NFATC3: variants seen among roughly 807,000 people sequenced by gnomAD.
NFATC3 encodes the protein nuclear factor of activated T cells 3, also known as nuclear factor of activated T-cells, cytoplasmic 3.
NFATC3 carries 46 observed loss-of-function variants against 98.6 expected under a neutral mutation model. That is an observed-to-expected ratio of 0.47 (90% CI 0.37 to 0.60). The LOEUF (loss-of-function observed/expected upper bound fraction) is 0.60. Among genes scored for constraint, NFATC3 ranks in the 20% least tolerant of loss-of-function variants. The probability of loss-of-function intolerance (pLI) is 0.00; values close to 1 mark genes in which losing one functional copy is unlikely to be tolerated. For synonymous variants in NFATC3, 512 were observed against 472.2 expected (o/e 1.08, Z -1.09); for missense variants, 1,256 against 1,295.5 (o/e 0.97, Z 0.47).
chr16:68,228,220 C>G lies in NFATC3; in HGVS notation c.*1749C>G, dbSNP rs2042073846. 1 of 152,216 alleles carries G rather than the reference C, an allele frequency of 6.6e-6. No individual in the cohort carries two copies. Among genetic ancestry groups the G allele is most frequent in the Admixed American group, 6.5e-5 (1 of 15,282 alleles). The allele number at this position is 152,216 out of a possible 1,614,324, so 9.4% of individuals were successfully genotyped here. A position where few individuals can be genotyped will look rare whatever the true frequency, so the allele number is the denominator to read the frequency against. On this transcript the variant is annotated 3_prime_UTR_variant, in exon 10 of 10. Transcript: ENST00000346183. Reference sequence around the variant, plus strand: ...TCTTCAGCAGATCACTGTGGCCCCTCTTGGAGCTGGGTGTTTTCAAATTTT... The same window carrying G: ...TCTTCAGCAGATCACTGTGGCCCCTGTTGGAGCTGGGTGTTTTCAAATTTT...
intron 1 of NFATC3, among the ~76,000 whole-genome samples, chr16:68,115,443 C>T (rs373140000): frequency 4.0e-5 from 6 of 151,836 alleles, no homozygotes; most frequent in Non-Finnish European, 5.9e-5. Context: ...TTTTGAGAGA[C>T]GGAGTCTTGC....
chr16:68,095,508 C>T (rs1289612094), intron 1 of NFATC3, among the ~76,000 whole-genome samples: 2 of 151,988 alleles, frequency 1.3e-5, no homozygotes, highest in African/African-American at 2.4e-5. Flanking sequence ...TGTGTGTCAC[C>T]GTGCCTGGCT....
rs184031459 is a variant in NFATC3 at position 68,142,241 on chromosome 16, A to G, written c.1402-15628A>G. On this transcript the variant is annotated intron_variant, in intron 3 of 9. Transcript: ENST00000346183. ...ATGTTTCCATTTGTTTGTGTCATCTATGATTTTTTTCAGCAGTGTTTTGTA... is the reference window on the plus strand; with the variant it reads ...ATGTTTCCATTTGTTTGTGTCATCTGTGATTTTTTTCAGCAGTGTTTTGTA... Among the ~76,000 whole-genome samples the G allele has an allele frequency of 6.2e-4, 95 of 152,116 alleles. 1 individual carries two copies. Among genetic ancestry groups the G allele is most frequent in the Admixed American group, 1.1e-3 (17 of 15,272 alleles).
At chr16:68,221,056 G>C (rs2151179000) in intron 9 of NFATC3, 2 of 939,666 alleles carry the variant, frequency 2.1e-6, no homozygotes, top group East Asian at 5.6e-5. Flanking sequence ...CTGGATTACA[G>C]TTTAAATAAA....
intron 9 of NFATC3, among the ~76,000 whole-genome samples, chr16:68,220,095 G>A (rs2041802871): frequency 6.6e-6 from 1 of 152,244 alleles, no homozygotes; most frequent in Non-Finnish European, 1.5e-5. Context: ...AAATTCAGGT[G>A]TTGGGGTAGT....
chr16:68,086,752 C>T (rs900266157), intron 1 of NFATC3: 1 of 985,252 alleles, frequency 1.0e-6, no homozygotes, highest in Non-Finnish European at 1.2e-6. Context: ...TGTAGAGTTG[C>T]ATTGAAAAAA....
intron 9 of NFATC3, chr16:68,221,542 C>A: frequency 1.6e-6 from 2 of 1,237,766 alleles, no homozygotes; most frequent in Non-Finnish European, 2.0e-6. Flanking sequence ...TTATTTAGTA[C>A]TCAATATATG....
In NFATC3 at chr16:68,228,482, G is replaced by GA. The variant is rs2042077739; in HGVS notation, c.*2012dup. The GA allele has an allele frequency of 6.6e-6, 1 of 152,542 alleles. No individual in the cohort carries two copies. The highest frequency in any genetic ancestry group is 1.9e-4 in the East Asian group (1 of 5,204). 9.4% of individuals were successfully genotyped at this position (152,542 alleles called of 1,614,324 possible). On this transcript the variant is annotated 3_prime_UTR_variant, in exon 10 of 10. Coordinates refer to ENST00000346183, the MANE Select transcript of NFATC3 (RefSeq NM_173165.3). ...GCCCTCAAGAATTAAAAGCCTCTAT[G>GA]ATCCAGAGTTGCTATGCACCAAATT...
At chr16:68,163,668 T>G (rs1341202644) in intron 4 of NFATC3, among the ~76,000 whole-genome samples, 7 of 95,262 alleles carry the variant, frequency 7.3e-5, no homozygotes, top group Middle Eastern at 9.3e-3. Context: ...GGGCGGAGGG[T>G]CTCCTCACTT....
rs558279684 is a variant in NFATC3 at position 68,128,109 on chromosome 16, A to G, written c.1401+1499A>G. On this transcript the variant is annotated intron_variant, in intron 3 of 9. Coordinates refer to ENST00000346183, the MANE Select transcript of NFATC3 (RefSeq NM_173165.3). The stretch of plus-strand genomic sequence containing the variant: ...TATACTAAAATATAGAAATGGCTGT[A>G]GATGATAATCTCTTAGAACTGTGTA... 2.0e-5 allele frequency among the ~76,000 whole-genome samples: 3 copies of G among 152,282 alleles called. No homozygotes were observed. In the East Asian group the frequency reaches 5.8e-4, roughly 29 times the overall value.
In NFATC3 at chr16:68,191,214, C is replaced by T. The variant is rs1471907894; in HGVS notation, c.2545C>T (p.Leu849=). Residue 849 remains leucine (L), a synonymous_variant, in exon 9 of 10, where the codon CTG becomes TTG. Transcript: ENST00000346183. ...TTTAGTGAATCTTGGCTGTCAACCA[C>T]TGTCATCCATACCATTTCATTCTTC... ...SGLVNLGCQP[L]SSIPFHSSNS... is the part of the protein sequence containing the mutation. 8 of 1,614,198 alleles carry T rather than the reference C, an allele frequency of 5.0e-6. No homozygotes were observed. Among genetic ancestry groups the T allele is most frequent in the Non-Finnish European group, 5.9e-6 (7 of 1,180,044 alleles).
At chr16:68,224,354 G>A (rs924945259) in intron 9 of NFATC3, among the ~76,000 whole-genome samples, 5 of 143,570 alleles carry the variant, frequency 3.5e-5, no homozygotes, top group African/African-American at 1.3e-4. Flanking sequence ...TTGGCTCACT[G>A]CAACCTCCAC....
chr16:68,112,874 G>T (rs867757929), intron 1 of NFATC3, among the ~76,000 whole-genome samples: 3 of 151,458 alleles, frequency 2.0e-5, no homozygotes, highest in Admixed American at 6.6e-5. Context: ...TGCCTGGTCT[G>T]TTCAGCTGTT....
rs573902954 is a variant in NFATC3, at chr16:68,124,286, G to T, written c.1238+1165G>T. On this transcript the variant is annotated intron_variant, in intron 2 of 9. Coordinates refer to ENST00000346183, the MANE Select transcript of NFATC3 (RefSeq NM_173165.3). Reference sequence around the variant, plus strand: ...TCAATTATTTAAAAAAATTTTTTTTGTTTTTTTTGGTAGAGATGGGGTCTT... The same window carrying T: ...TCAATTATTTAAAAAAATTTTTTTTTTTTTTTTTGGTAGAGATGGGGTCTT... 6.9e-3 allele frequency among the ~76,000 whole-genome samples: 1,038 copies of T among 151,360 alleles called. 15 individuals are homozygous for T. Among genetic ancestry groups the T allele is most frequent in the African/African-American group, 0.023 (970 of 41,282 alleles).
chr16:68,214,058 T>C (rs1411315463), intron 9 of NFATC3, among the ~76,000 whole-genome samples: 1 of 152,202 alleles, frequency 6.6e-6, no homozygotes, highest in African/African-American at 2.4e-5. Flanking sequence ...GCTGAATTTA[T>C]CCCTTAAAAC....
chr16:68,172,246 G>T (rs2039502404), intron 5 of NFATC3, among the ~76,000 whole-genome samples: 1 of 152,142 alleles, frequency 6.6e-6, no homozygotes, highest in African/African-American at 2.4e-5. Context: ...GCTGTTGTGA[G>T]CTGGGAATGG....
intron 9 of NFATC3, among the ~76,000 whole-genome samples, chr16:68,195,680 C>CGCGGTT (rs2151123153): frequency 6.6e-6 from 1 of 150,726 alleles, no homozygotes; most frequent in African/African-American, 2.4e-5. Context: ...TGGTGGTGGT[C>CGCGGTT]GCCTGTAGTC....
chr16:68,145,261 A>T (rs1320730467), intron 3 of NFATC3, among the ~76,000 whole-genome samples: 1 of 151,262 alleles, frequency 6.6e-6, no homozygotes, highest in Admixed American at 6.6e-5. Context: ...CTCCAATCTC[A>T]GTCTTCCTAG....
intron 1 of NFATC3, among the ~76,000 whole-genome samples, chr16:68,101,592 T>C (rs1361551674): frequency 6.6e-6 from 1 of 151,890 alleles, no homozygotes; most frequent in African/African-American, 2.4e-5. Context: ...CACGCCATTC[T>C]CTTGTCTCAG....
Sources: gnomAD v4.1 joint callset for allele counts (sites outside exome capture counted in the v4.1 genomes callset) on GRCh38, gnomAD v4.1.1 for gene constraint, MANE v1.5 for transcripts, NCBI Gene and HGNC (gene_info 2026-07-23, HGNC 2026-07-21) for gene names.